Variants in CATSPERD observed in about 807,000 individuals in gnomAD.
CATSPERD encodes cation channel sperm-associated auxiliary subunit delta.
In CATSPERD, 86 loss-of-function variants were observed where a neutral mutation model predicts 98.1. The ratio of observed to expected loss-of-function variants is 0.88; its 90% CI spans 0.74 to 1.05. The LOEUF (loss-of-function observed/expected upper bound fraction) is 1.05, where lower values mean the gene tolerates loss of function less well. CATSPERD is among the 50% of genes least tolerant of loss of function. CATSPERD has a pLI of 0.00. For missense variants in CATSPERD, 995 were observed against 1,005.7 expected (o/e 0.99, Z 0.14); for synonymous variants, 394 against 390.2 (o/e 1.01, Z -0.12).
At chr19:5,745,861 G>T in intron 8 of CATSPERD, 52 bp from the exon 9 acceptor site, 2 of 1,595,090 alleles carry the variant, frequency 1.3e-6, no homozygotes, top group Non-Finnish European at 1.7e-6. Context: ...GGACTCAGTG[G>T]GACTCCACAG....
At chr19:5,741,969 G>A (rs921444679) in intron 7 of CATSPERD, among the ~76,000 whole-genome samples, 3 of 151,510 alleles carry the variant, frequency 2.0e-5, no homozygotes, top group Non-Finnish European at 4.4e-5. Context: ...GGAGGTGGAG[G>A]AGGTTGCAGT....
intron 17 of CATSPERD, among the ~76,000 whole-genome samples, chr19:5,767,089 G>C (rs912355435): frequency 6.6e-6 from 1 of 151,068 alleles, no homozygotes; most frequent in African/African-American, 2.4e-5. Context: ...AGGCCGAGGC[G>C]GGTGGATCAC....
intron 13 of CATSPERD, among the ~76,000 whole-genome samples, chr19:5,756,491 G>A (rs1190465778): frequency 6.6e-6 from 1 of 152,076 alleles, no homozygotes; most frequent in Non-Finnish European, 1.5e-5. Context: ...TTATCTATTT[G>A]TACAAACATT....
intron 11 of CATSPERD, 49 bp downstream of exon 11, chr19:5,749,232 C>T (rs2056157508): frequency 7.2e-7 from 1 of 1,395,974 alleles, no homozygotes; most frequent in Non-Finnish European, 1.0e-6. Context: ...TGGTTCACGC[C>T]TGTCATCCCA....
chr19:5,758,453 C>T (rs971523148), intron 14 of CATSPERD, among the ~76,000 whole-genome samples: 10 of 151,690 alleles, frequency 6.6e-5, no homozygotes, highest in Admixed American at 2.6e-4. Flanking sequence ...CTTGGCTGGG[C>T]GCAGTGGCTC....
rs114281043 is a variant in CATSPERD at position 5,757,960 on chromosome 19, C to T, written c.1368+28C>T. On this transcript the variant is annotated intron_variant, in intron 14 of 21. Coordinates refer to ENST00000381624, the MANE Select transcript of CATSPERD (RefSeq NM_152784.4). ...GAGCCGCGTCCCCACCAAACCCTGTCGCCTGTCCCTTGAGAGGCCCCCTCT... is the reference window on the plus strand; with the variant it reads ...GAGCCGCGTCCCCACCAAACCCTGTTGCCTGTCCCTTGAGAGGCCCCCTCT... 808 of 1,589,616 alleles carry T rather than the reference C, an allele frequency of 5.1e-4. 2 individuals carry two copies. The African/African-American group carries it at 7.9e-3, about 16-fold the overall frequency.
rs567609731 is a variant in CATSPERD, at chr19:5,759,379, C to T, written c.1427+235C>T. On this transcript the variant is annotated intron_variant, in intron 15 of 21. Transcript: ENST00000381624. ...GAGTTCGAAACCAGCCTAGCCAACA[C>T]GGTGAAACCCCGTCTCTACTAAAAA... Among the ~76,000 whole-genome samples the T allele has an allele frequency of 7.9e-5, 12 of 150,954 alleles. No individual in the cohort carries two copies. The South Asian group carries it at 1.3e-3, about 16-fold the overall frequency.
Position 5,762,058 on chromosome 19 carries a change from A to ATATATATATATATTT in CATSPERD, c.1428-1156_1428-1155insATATATATATATTTT. On this transcript the variant is annotated intron_variant, in intron 15 of 21. Transcript: ENST00000381624. ...TGGCCTGCCATATATATATATATAT[A>ATATATATATATATTT]TTTTTTTTTTTTTTTTTTTTTTTGA... Among the ~76,000 whole-genome samples, 21 of 10,436 alleles carry ATATATATATATATTT rather than the reference A, an allele frequency of 2.0e-3. 1 individual carries two copies. Among genetic ancestry groups the ATATATATATATATTT allele is most frequent in the South Asian group, 7.8e-3 (1 of 128 alleles). 6.8% of individuals were successfully genotyped at this position (10,436 alleles called of 152,430 possible).
intron 1 of CATSPERD, among the ~76,000 whole-genome samples, chr19:5,724,270 C>T (rs1905588001): frequency 6.6e-6 from 1 of 150,496 alleles, no homozygotes; most frequent in Non-Finnish European, 1.5e-5. Context: ...ACCAAGTTGG[C>T]CAGGTTGGTC....
intron 7 of CATSPERD, among the ~76,000 whole-genome samples, chr19:5,742,139 CGTGTGTACGT>C (rs2055988619): frequency 2.1e-5 from 3 of 140,690 alleles, no homozygotes; most frequent in South Asian, 2.3e-4. Context: ...CGTGTGTGCG[CGTGTGTACGT>C]GTGTGAACGT....
intron 16 of CATSPERD, among the ~76,000 whole-genome samples, chr19:5,763,723 G>T (rs2056485155): frequency 6.6e-6 from 1 of 151,668 alleles, no homozygotes. Context: ...GATCTTGGAT[G>T]ATCTGCCCGC....
At position 5,744,495 on chromosome 19, in the gene CATSPERD, A is replaced by G; in HGVS notation, c.642A>G (p.Val214=). The change falls in exon 8 of 22, where the codon GTA becomes GTG. Residue 214 remains valine (V), a synonymous_variant. Coordinates refer to ENST00000381624, the MANE Select transcript of CATSPERD (RefSeq NM_152784.4). ...CTTTGTCACAGGTTGCGATGCTTGT[A>G]GTGAATCAAGGGAAGGTAAGTAACT... ...FFSLSQVAML[V]VNQGKGMFKY... is the part of the protein sequence containing the mutation. 1 of 1,612,082 alleles carries G rather than the reference A, an allele frequency of 6.2e-7. No individual in the cohort carries two copies. Among genetic ancestry groups the G allele is most frequent in the Middle Eastern group, 1.7e-4 (1 of 6,036 alleles).
rs144647722 is a variant in CATSPERD, at chr19:5,739,955, C to T, written c.573+516C>T. On this transcript the variant is annotated intron_variant, in intron 7 of 21. Transcript: ENST00000381624. ...AGTTTTAGGTCAGGCAAAATCATGG[C>T]ACCATTTATGCCATTTAAGTAGTAC... Among the ~76,000 whole-genome samples, 723 of 152,072 alleles carry T rather than the reference C, an allele frequency of 4.8e-3. 7 individuals are homozygous for T. Among genetic ancestry groups the T allele is most frequent in the South Asian group, 0.018 (88 of 4,824 alleles).
chr19:5,739,295 T>C, intron 6 of CATSPERD, 31 bp from the exon 7 acceptor site: 2 of 1,241,192 alleles, frequency 1.6e-6, no homozygotes, highest in South Asian at 2.5e-5. Flanking sequence ...GCATCTTTCT[T>C]TCATTCTTTC....
At chr19:5,730,811 G>T (rs1384794002) in intron 4 of CATSPERD, among the ~76,000 whole-genome samples, 2 of 151,432 alleles carry the variant, frequency 1.3e-5, no homozygotes, top group Non-Finnish European at 2.9e-5. Context: ...AGGAGATTAA[G>T]ACCACGGTGA....
chr19:5,765,200 C>T lies in CATSPERD; in HGVS notation c.1507-903C>T, dbSNP rs1328587414. On this transcript the variant is annotated intron_variant, in intron 16 of 21. Transcript: ENST00000381624. Reference sequence around the variant, plus strand: ...CTGGGATTAAAGGCGTGAGCCACTGCGCCTGGCCCATGTTTGTCTTAATAC... The same window carrying T: ...CTGGGATTAAAGGCGTGAGCCACTGTGCCTGGCCCATGTTTGTCTTAATAC... Among the ~76,000 whole-genome samples, 5 of 152,164 alleles carry T rather than the reference C, an allele frequency of 3.3e-5. 1 individual carries two copies. Among genetic ancestry groups the T allele is most frequent in the Non-Finnish European group, 7.3e-5 (5 of 68,040 alleles).
chr19:5,720,939 G>GACGCCTCGCTCACCCTACTCCACCCC (rs1453408795), intron 1 of CATSPERD, 131 bp downstream of exon 1: 4 of 671,858 alleles, frequency 6.0e-6, no homozygotes, highest in Non-Finnish European at 9.9e-6. Flanking sequence ...AATCGAACTT[G>GACGCCTCGCTCACCCTACTCCACCCC]ACGCCTCGCT....
intron 16 of CATSPERD, among the ~76,000 whole-genome samples, chr19:5,765,036 A>C (rs1218983210): frequency 1.3e-5 from 2 of 151,658 alleles, no homozygotes; most frequent in African/African-American, 4.8e-5. Context: ...TCAGCCTCTC[A>C]AGTAGCTGGG....
chr19:5,720,642 T>C lies in CATSPERD; in HGVS notation c.-96T>C, dbSNP rs1409663622. On this transcript the variant is annotated 5_prime_UTR_variant, in exon 1 of 22. An upstream start codon of the reference 5' UTR is lost. Transcript: ENST00000381624. ...GAGGCCCGCTCCCGGGACTCATTGA[T>C]GCGCATGCGCAGGGCTTCAGCCTGC... is the stretch of plus-strand genomic sequence containing the variant. 1.1e-5 allele frequency: 14 copies of C among 1,236,884 alleles called. No homozygotes were observed. The highest frequency in any genetic ancestry group is 4.0e-5 in the Admixed American group (2 of 50,318). The allele number at this position is 1,236,884 out of a possible 1,614,324, so 76.6% of individuals were successfully genotyped here.
Sources: allele counts gnomAD v4.1 joint callset (sites outside exome capture counted in the v4.1 genomes callset), GRCh38; gene constraint gnomAD v4.1.1; transcripts MANE v1.5; gene names NCBI Gene and HGNC (gene_info 2026-07-23, HGNC 2026-07-21).